The following B4GALNT3 variants were observed in gnomAD, a reference collection of about 807,000 sequenced individuals.
B4GALNT3 encodes beta-1,4-N-acetyl-galactosaminyltransferase 3.
In B4GALNT3, 86 loss-of-function variants were observed where a neutral mutation model predicts 120.2. The observed-to-expected ratio is 0.72, with a 90% CI of 0.60 to 0.86. The LOEUF (loss-of-function observed/expected upper bound fraction) is 0.86. B4GALNT3 is among the 40% of genes least tolerant of loss of function. B4GALNT3 has a pLI of 0.00. For synonymous variants in B4GALNT3, 518 were observed against 510.4 expected, an observed-to-expected ratio of 1.01 and a Z score of -0.20; for missense variants, 1,167 against 1,298.9, an observed-to-expected ratio of 0.90 and a Z score of 1.56.
At chr12:560,352 G>A (rs1947214807) in intron 19 of B4GALNT3, among the ~76,000 whole-genome samples, 1 of 152,172 alleles carries the variant, frequency 6.6e-6, no homozygotes, top group African/African-American at 2.4e-5. Flanking sequence ...CCTATACATG[G>A]CCGGCCATCC....
At chr12:480,389 C>T (rs915683613) in intron 1 of B4GALNT3, among the ~76,000 whole-genome samples, 3 of 75,808 alleles carry the variant, frequency 4.0e-5, no homozygotes, top group African/African-American at 1.3e-4. Flanking sequence ...GCTCTGCCCC[C>T]GGACGTCAGT....
intron 1 of B4GALNT3, among the ~76,000 whole-genome samples, chr12:533,071 A>G (rs1946823214): frequency 6.6e-6 from 1 of 152,220 alleles, no homozygotes; most frequent in African/African-American, 2.4e-5. Flanking sequence ...ATGCAGGAGC[A>G]AGGCAGGGCC....
At chr12:524,639 TAAAAAAA>T (rs72425704) in intron 1 of B4GALNT3, among the ~76,000 whole-genome samples, 25,089 of 130,872 alleles carry the variant, frequency 0.19, 3,551 homozygotes, top group East Asian at 0.46. Flanking sequence ...TAAGACATGT[TAAAAAAA>T]AAAAAAAAGA....
At chr12:477,405 A>G (rs1472737952) in intron 1 of B4GALNT3, among the ~76,000 whole-genome samples, 3 of 152,182 alleles carry the variant, frequency 2.0e-5, no homozygotes, top group Non-Finnish European at 4.4e-5. Context: ...AGCTGCCTTT[A>G]GGGGTGATCC....
chr12:478,485 A>C (rs1478028810), intron 1 of B4GALNT3, among the ~76,000 whole-genome samples: 1 of 152,222 alleles, frequency 6.6e-6, no homozygotes, highest in African/African-American at 2.4e-5. Flanking sequence ...ATTGGAAGTC[A>C]ACATTTACCA....
intron 1 of B4GALNT3, among the ~76,000 whole-genome samples, chr12:534,280 A>G (rs138304605): frequency 4.6e-5 from 7 of 152,278 alleles, no homozygotes; most frequent in South Asian, 4.2e-4. Flanking sequence ...CCAGTGGTCT[A>G]CGGTTCTGGT....
intron 1 of B4GALNT3, among the ~76,000 whole-genome samples, chr12:534,877 G>T (rs184819670): frequency 6.6e-6 from 1 of 152,208 alleles, no homozygotes; most frequent in Non-Finnish European, 1.5e-5. Flanking sequence ...GGGGGAGAAC[G>T]AGCTGGTAGT....
At chr12:481,411 T>C (rs1016033974) in intron 1 of B4GALNT3, among the ~76,000 whole-genome samples, 1 of 152,212 alleles carries the variant, frequency 6.6e-6, no homozygotes, top group African/African-American at 2.4e-5. Context: ...GGTGCAGACA[T>C]GGAGGAAAAC....
intron 1 of B4GALNT3, among the ~76,000 whole-genome samples, chr12:470,167 A>G (rs73049831): frequency 7.9e-4 from 120 of 152,328 alleles, no homozygotes; most frequent in Non-Finnish European, 1.2e-3. Flanking sequence ...GGAAGGGAAT[A>G]TCTTTGACAT....
At chr12:490,475 A>G (rs1946330284) in intron 1 of B4GALNT3, among the ~76,000 whole-genome samples, 1 of 152,206 alleles carries the variant, frequency 6.6e-6, no homozygotes, top group South Asian at 2.1e-4. Flanking sequence ...GGTGACTCAC[A>G]TATGTAATCC....
At chr12:525,827 C>A (rs1035459711) in intron 1 of B4GALNT3, among the ~76,000 whole-genome samples, 1 of 152,230 alleles carries the variant, frequency 6.6e-6, no homozygotes, top group Non-Finnish European at 1.5e-5. Context: ...TCTGCTGAAA[C>A]TACTCCATTG....
chr12:500,865 C>CCTTTTTTTTTTT (rs2043817132), intron 1 of B4GALNT3, among the ~76,000 whole-genome samples: 7 of 61,830 alleles, frequency 1.1e-4, no homozygotes, highest in African/African-American at 3.7e-4. Context: ...GGCTCCACTG[C>CCTTTTTTTTTTT]TTTTTTTTTT....
rs1419121467 is a variant in B4GALNT3 at position 553,668 on chromosome 12, C to A, written c.1745C>A (p.Ala582Asp). The change falls in exon 14 of 20, where the codon GCC (alanine) becomes GAC (aspartate). Residue 582 changes from alanine to aspartate, a missense_variant. Ala to Asp is a moderately radical substitution (Grantham distance 126). Transcript: ENST00000266383. Reference protein sequence around the residue: ...QRRGDRMRPQAPGRGWHGEEE... With the variant: ...QRRGDRMRPQDPGRGWHGEEE... ...CGGGGTGACAGGATGCGGCCTCAGGCCCCTGGAAGGGGCTGGCATGGGGAG... is the reference window on the plus strand; with the variant it reads ...CGGGGTGACAGGATGCGGCCTCAGGACCCTGGAAGGGGCTGGCATGGGGAG... The A allele has an allele frequency of 2.5e-6, 4 of 1,613,872 alleles. No homozygotes were observed. Among genetic ancestry groups the A allele is most frequent in the East Asian group, 4.5e-5 (2 of 44,886 alleles).
chr12:541,856 C>A, intron 3 of B4GALNT3, among the ~76,000 whole-genome samples: 1 of 126,616 alleles, frequency 7.9e-6, no homozygotes, highest in East Asian at 3.0e-4. Context: ...CCCCCACCCC[C>A]CCCCACCCCC....
chr12:478,261 AAAAAAAAAAAATT>A (rs1291281895), intron 1 of B4GALNT3, among the ~76,000 whole-genome samples: 5 of 107,170 alleles, frequency 4.7e-5, no homozygotes, highest in Non-Finnish European at 9.3e-5. Flanking sequence ...AAAAAAAAAA[AAAAAAAAAAAATT>A]AGAGGAGGTA....
At chr12:491,578 C>T (rs189808197) in intron 1 of B4GALNT3, among the ~76,000 whole-genome samples, 13 of 152,002 alleles carry the variant, frequency 8.6e-5, no homozygotes, top group African/African-American at 3.1e-4. Context: ...ATCTGCCTGC[C>T]TCGGCCTCCC....
chr12:542,876 G>A (rs554260542), intron 3 of B4GALNT3, among the ~76,000 whole-genome samples: 4 of 152,228 alleles, frequency 2.6e-5, no homozygotes, highest in Non-Finnish European at 5.9e-5. Context: ...CACTCCTGCA[G>A]TGCCTCCCAG....
At chr12:481,511 G>A (rs1946242416) in intron 1 of B4GALNT3, among the ~76,000 whole-genome samples, 2 of 152,206 alleles carry the variant, frequency 1.3e-5, no homozygotes, top group African/African-American at 4.8e-5. Flanking sequence ...GGCCATGGTG[G>A]GAAAGTGGGA....
intron 3 of B4GALNT3, chr12:543,101 C>T (rs1285189405): frequency 3.9e-6 from 5 of 1,288,550 alleles, no homozygotes; most frequent in East Asian, 1.1e-4. Context: ...TGAACACCAG[C>T]CCCCTTCCTG....
Sources: gnomAD v4.1 joint callset for allele counts (sites outside exome capture counted in the v4.1 genomes callset) on GRCh38, gnomAD v4.1.1 for gene constraint, MANE v1.5 for transcripts, NCBI Gene and HGNC (gene_info 2026-07-23, HGNC 2026-07-21) for gene names.